MARCHF6: variants seen among roughly 807,000 people sequenced by gnomAD.
MARCHF6 encodes the protein membrane associated ring-CH-type finger 6.
A neutral mutation model predicts 133.7 loss-of-function variants in MARCHF6; 31 were observed. The observed-to-expected ratio is 0.23, with a 90% CI of 0.17 to 0.31. The LOEUF (loss-of-function observed/expected upper bound fraction) is 0.31. Among genes scored for constraint, MARCHF6 ranks in the 10% least tolerant of loss-of-function variants. MARCHF6 has a pLI of 1.00. For missense variants in MARCHF6, 723 were observed against 1,121.6 expected, an observed-to-expected ratio of 0.64 and a Z score of 5.08; for synonymous variants, 395 against 402.5, an observed-to-expected ratio of 0.98 and a Z score of 0.22.
rs1187154369 is a variant in MARCHF6, at chr5:10,437,389, C to A, written c.*3705C>A. 6.6e-6 allele frequency: 1 copy of A among 151,912 alleles called. No homozygotes were observed. Among genetic ancestry groups the A allele is most frequent in the Non-Finnish European group, 1.5e-5 (1 of 67,986 alleles). The allele number at this position is 151,912 out of a possible 1,614,324, so 9.4% of individuals were successfully genotyped here. A position where few individuals can be genotyped will look rare whatever the true frequency, so the allele number is the denominator to read the frequency against. On this transcript the variant is annotated 3_prime_UTR_variant, in exon 26 of 26. Coordinates refer to ENST00000274140, the MANE Select transcript of MARCHF6 (RefSeq NM_005885.4). ...TCATTTGTGGAGATTCGCTGACTTC[C>A]TTGGTTAAGCTGTCTTGTATTTACT...
intron 19 of MARCHF6, 82 bp downstream of exon 19, chr5:10,411,619 A>AT: frequency 9.2e-7 from 1 of 1,088,082 alleles, no homozygotes; most frequent in Non-Finnish European, 1.3e-6. Flanking sequence ...AATTGGTGCT[A>AT]TTAGTATGCA....
intron 21 of MARCHF6, among the ~76,000 whole-genome samples, chr5:10,416,635 A>G (rs1298495199): frequency 6.6e-6 from 1 of 152,226 alleles, no homozygotes; most frequent in Non-Finnish European, 1.5e-5. Flanking sequence ...CACCTGAAGT[A>G]AAAGAGAGGT....
chr5:10,423,927 C>A, intron 23 of MARCHF6, 103 bp downstream of exon 23: 42 of 685,430 alleles, frequency 6.1e-5, no homozygotes, highest in Non-Finnish European at 8.5e-5. Context: ...GCTGAGTTTT[C>A]TACATTTTTT....
rs1191501360 is a variant in MARCHF6 at position 10,378,688 on chromosome 5, A to T, written c.117-71A>T. 5 of 952,564 alleles carry T rather than the reference A, an allele frequency of 5.2e-6. No homozygotes were observed. In the Admixed American group the frequency reaches 1.2e-4, roughly 22 times the overall value. 59.0% of individuals were successfully genotyped at this position (952,564 alleles called of 1,614,324 possible). ...TGATATATACATTTTTAATAAAAAC[A>T]ATGTTTTCGACAAAACTGTAATGTT... On this transcript the variant is annotated intron_variant, in intron 2 of 25. Coordinates refer to ENST00000274140, the MANE Select transcript of MARCHF6 (RefSeq NM_005885.4).
chr5:10,376,763 G>T (rs2967943), intron 1 of MARCHF6, among the ~76,000 whole-genome samples: 118,523 of 152,120 alleles, frequency 0.78, 47,920 homozygotes, highest in Non-Finnish European at 0.9. Flanking sequence ...CTGTAACCAC[G>T]CACCACACTG....
At chr5:10,420,408 T>G (rs1739766130) in intron 22 of MARCHF6, among the ~76,000 whole-genome samples, 1 of 149,970 alleles carries the variant, frequency 6.7e-6, no homozygotes, top group East Asian at 2.0e-4. Context: ...ATGGATTACT[T>G]TATGGCTCAA....
chr5:10,402,644 T>A, intron 14 of MARCHF6, 37 bp downstream of exon 14: 1 of 1,508,372 alleles, frequency 6.6e-7, no homozygotes, highest in Non-Finnish European at 9.2e-7. Context: ...ATAGCATAAT[T>A]TAAGGGCTTC....
Position 10,435,692 on chromosome 5 carries a change from TATATA to T in MARCHF6, c.*2009_*2013del, listed in dbSNP as rs1740619350. 2 of 17,830 alleles carry T rather than the reference TATATA, an allele frequency of 1.1e-4. No individual in the cohort carries two copies. The highest frequency in any genetic ancestry group is 2.1e-4 in the Non-Finnish European group (2 of 9,398). 1.1% of individuals were successfully genotyped at this position (17,830 alleles called of 1,614,324 possible). A position where few individuals can be genotyped will look rare whatever the true frequency, so the allele number is the denominator to read the frequency against. ...ATATATATATATATATATATATATA[TATATA>T]TTTTTTTTTTTTTTTTTTTTTTTTT... On this transcript the variant is annotated 3_prime_UTR_variant, in exon 26 of 26. Coordinates refer to ENST00000274140, the MANE Select transcript of MARCHF6 (RefSeq NM_005885.4).
At chr5:10,411,833 G>T (rs1351664059) in intron 19 of MARCHF6, among the ~76,000 whole-genome samples, 1 of 152,176 alleles carries the variant, frequency 6.6e-6, no homozygotes, top group Non-Finnish European at 1.5e-5. Context: ...ACTAGAATGG[G>T]CATTTGGATG....
intron 1 of MARCHF6, among the ~76,000 whole-genome samples, chr5:10,376,331 C>G (rs182970146): frequency 1.3e-5 from 2 of 151,736 alleles, no homozygotes; most frequent in African/African-American, 4.8e-5. Context: ...ACACTCACCG[C>G]GAGGGTCTGC....
intron 5 of MARCHF6, among the ~76,000 whole-genome samples, chr5:10,389,209 A>G (rs1165088963): frequency 2.6e-5 from 4 of 152,308 alleles, no homozygotes; most frequent in Middle Eastern, 6.8e-3. Flanking sequence ...AATCATAAAC[A>G]TGGACTAGGG....
chr5:10,435,658 TATATATATATATATATATATATATATATA>T lies in MARCHF6; in HGVS notation c.*1975_*2003del, dbSNP rs1740593491. ...ATATAACTATATATATATATATATA[TATATATATATATATATATATATATATATA>T]TATATATATATTTTTTTTTTTTTTT... On this transcript the variant is annotated 3_prime_UTR_variant, in exon 26 of 26. Coordinates refer to ENST00000274140, the MANE Select transcript of MARCHF6 (RefSeq NM_005885.4). 2.1e-4 allele frequency: 1 copy of T among 4,854 alleles called. No homozygotes were observed. The highest frequency in any genetic ancestry group is 2.2e-3 in the Admixed American group (1 of 452). The allele number at this position is 4,854 out of a possible 1,614,324, so 0.3% of individuals were successfully genotyped here.
rs201911419 is a variant in MARCHF6, at chr5:10,394,799, AT to A, written c.861+32del. The A allele has an allele frequency of 0.15, 172,924 of 1,183,552 alleles. No homozygotes were observed. Among genetic ancestry groups the A allele is most frequent in the East Asian group, 0.16 (5,448 of 34,716 alleles). 73.3% of individuals were successfully genotyped at this position (1,183,552 alleles called of 1,614,324 possible). A position where few individuals can be genotyped will look rare whatever the true frequency, so the allele number is the denominator to read the frequency against. On this transcript the variant is annotated intron_variant, in intron 9 of 25. Transcript: ENST00000274140. The stretch of plus-strand genomic sequence containing the variant: ...CTAGTTTTTCTGGTAAGTAAAACTA[AT>A]TTTTTTTTTTTTTTTTTGAGACGGA...
chr5:10,418,648 C>T (rs1739662989), intron 22 of MARCHF6, among the ~76,000 whole-genome samples: 1 of 152,080 alleles, frequency 6.6e-6, no homozygotes, highest in African/African-American at 2.4e-5. Context: ...AATTATTTGG[C>T]CCGTATTTCC....
In MARCHF6 at chr5:10,423,794, T is replaced by A. The variant is rs755052217; in HGVS notation, c.2343T>A (p.Pro781=). 2 of 1,613,202 alleles carry A rather than the reference T, an allele frequency of 1.2e-6. No individual in the cohort carries two copies. Among genetic ancestry groups the A allele is most frequent in the Non-Finnish European group, 1.7e-6 (2 of 1,179,578 alleles). Residue 781 remains proline, a synonymous_variant, in exon 23 of 26, where the codon CCT becomes CCA. Transcript: ENST00000274140. ...KIIAAITLMG[P]QWWLKTVIEQ... is the part of the protein sequence containing the mutation. ...TTGCAGCTATAACATTGATGGGTCCTCAGTGGTGGTTGAAAACTGTAATTG... is the reference window on the plus strand; with the variant it reads ...TTGCAGCTATAACATTGATGGGTCCACAGTGGTGGTTGAAAACTGTAATTG...
chr5:10,390,283 A>G, intron 5 of MARCHF6, 49 bp from the exon 6 acceptor site: 1 of 1,464,682 alleles, frequency 6.8e-7, no homozygotes, highest in Non-Finnish European at 9.1e-7. Context: ...TTGTTTTCCT[A>G]ATTTTAAGTC....
intron 22 of MARCHF6, among the ~76,000 whole-genome samples, chr5:10,423,279 C>G (rs540638147): frequency 3.9e-5 from 6 of 152,070 alleles, no homozygotes; most frequent in Admixed American, 3.3e-4. Context: ...AGTAACAGTT[C>G]CCCAGTAGAA....
In MARCHF6 at chr5:10,410,143, G is replaced by A. The variant is rs1364629288; in HGVS notation, c.1558G>A (p.Ala520Thr). 1 of 1,613,920 alleles carries A rather than the reference G, an allele frequency of 6.2e-7. No homozygotes were observed. The highest frequency in any genetic ancestry group is 8.5e-7 in the Non-Finnish European group (1 of 1,179,960). ...LPYNVMLYSDAPVSELSLELL... is the reference protein window; with the variant it reads ...LPYNVMLYSDTPVSELSLELL... Reference sequence around the variant, plus strand: ...TATAAATCCTGCCTCTTTCAGTGATGCTCCAGTGAGTGAACTGTCCCTCGA... The same window carrying A: ...TATAAATCCTGCCTCTTTCAGTGATACTCCAGTGAGTGAACTGTCCCTCGA... Residue 520 changes from alanine to threonine, a missense_variant, in exon 18 of 26, where the codon GCT (alanine) becomes ACT (threonine). Physicochemically the swap from Ala to Thr is moderately conservative, Grantham distance 58. Coordinates refer to ENST00000274140, the MANE Select transcript of MARCHF6 (RefSeq NM_005885.4).
chr5:10,437,793 C>G lies in MARCHF6; in HGVS notation c.*4109C>G, dbSNP rs1740710354. On this transcript the variant is annotated 3_prime_UTR_variant, in exon 26 of 26. Coordinates refer to ENST00000274140, the MANE Select transcript of MARCHF6 (RefSeq NM_005885.4). ...TGAAATGCTCCCTTTTTAATGTGGT[C>G]ATTTGTTGCCTTCTAAGTTGAGAGG... 6.6e-6 allele frequency: 1 copy of G among 152,136 alleles called. No individual in the cohort carries two copies. The highest frequency in any genetic ancestry group is 1.5e-5 in the Non-Finnish European group (1 of 68,012). The allele number at this position is 152,136 out of a possible 1,614,324, so 9.4% of individuals were successfully genotyped here.
Sources: gnomAD v4.1 joint callset for allele counts (sites outside exome capture counted in the v4.1 genomes callset) on GRCh38, gnomAD v4.1.1 for gene constraint, MANE v1.5 for transcripts, NCBI Gene and HGNC (gene_info 2026-07-23, HGNC 2026-07-21) for gene names.